SNTG2: variants seen among roughly 807,000 people sequenced by gnomAD.
SNTG2 encodes gamma-2-syntrophin.
SNTG2 carries 74 observed loss-of-function variants against 70.9 expected under a neutral mutation model. The observed-to-expected ratio is 1.04, with a 90% CI of 0.86 to 1.27. SNTG2 has a LOEUF of 1.27. Ranked by LOEUF, SNTG2 falls within the 50% of genes most tolerant of loss-of-function variation. The pLI is 0.00. For missense variants in SNTG2, 717 were observed against 690.7 expected, an observed-to-expected ratio of 1.04 and a Z score of -0.43; for synonymous variants, 278 against 273.8, an observed-to-expected ratio of 1.02 and a Z score of -0.15.
intron 2 of SNTG2, among the ~76,000 whole-genome samples, chr2:1,087,727 A>C (rs553205084): frequency 2.0e-5 from 3 of 152,362 alleles, no homozygotes; most frequent in Non-Finnish European, 4.4e-5. Context: ...GAGCCTTCAA[A>C]AGGCAGGCAA....
At chr2:994,151 C>T (rs1252802551) in intron 1 of SNTG2, among the ~76,000 whole-genome samples, 2 of 151,876 alleles carry the variant, frequency 1.3e-5, no homozygotes, top group Non-Finnish European at 2.9e-5. Flanking sequence ...AGGGTCTATT[C>T]TGAGTATATT....
chr2:1,161,802 C>A (rs559464551), intron 6 of SNTG2: 2 of 152,126 alleles, frequency 1.3e-5, no homozygotes, highest in Non-Finnish European at 2.9e-5. Context: ...TGGCCGGGTG[C>A]GGTGGCTCAC....
chr2:1,278,204 A>C (rs913875366), intron 14 of SNTG2, among the ~76,000 whole-genome samples: 1 of 152,224 alleles, frequency 6.6e-6, no homozygotes, highest in Admixed American at 6.5e-5. Flanking sequence ...TCATTTTGGG[A>C]CAACTCAATC....
chr2:1,017,626 TGGCA>T (rs546163409), intron 1 of SNTG2, among the ~76,000 whole-genome samples: 135 of 152,346 alleles, frequency 8.9e-4, no homozygotes, highest in African/African-American at 3.1e-3. Flanking sequence ...TGTATAAAGC[TGGCA>T]TTGAATATAC....
chr2:1,120,721 T>C (rs1667325109), intron 4 of SNTG2, among the ~76,000 whole-genome samples: 1 of 152,094 alleles, frequency 6.6e-6, no homozygotes, highest in Admixed American at 6.5e-5. Flanking sequence ...CATAAACATA[T>C]ATGCATCCGA....
rs1553340385 is a variant in SNTG2, at chr2:1,155,172, C to CACACACACACA, written c.412-10376_412-10375insACACACACACA. Among the ~76,000 whole-genome samples the CACACACACACA allele has an allele frequency of 8.6e-3, 223 of 26,012 alleles. 1 individual carries two copies. The highest frequency in any genetic ancestry group is 0.014 in the African/African-American group (210 of 15,234). 17.1% of individuals were successfully genotyped at this position (26,012 alleles called of 152,430 possible). A position where few individuals can be genotyped will look rare whatever the true frequency, so the allele number is the denominator to read the frequency against. The stretch of plus-strand genomic sequence containing the variant: ...CTCCATACACACACACACGTAGACC[C>CACACACACACA]CCCCCCCACACACATATATAGACCA... On this transcript the variant is annotated intron_variant, in intron 6 of 16. Transcript: ENST00000308624.
chr2:1,206,902 T>A (rs1259485972), intron 8 of SNTG2, among the ~76,000 whole-genome samples: 1 of 152,200 alleles, frequency 6.6e-6, no homozygotes, highest in Non-Finnish European at 1.5e-5. Flanking sequence ...TGCAGTATAA[T>A]TCTAGTACTT....
intron 6 of SNTG2, among the ~76,000 whole-genome samples, chr2:1,147,481 T>A (rs763301495): frequency 2.6e-5 from 4 of 152,248 alleles, no homozygotes; most frequent in Admixed American, 2.0e-4. Flanking sequence ...GGATGCTTCC[T>A]GCCCTTGAAC....
chr2:1,103,896 C>T (rs961916179), intron 4 of SNTG2, among the ~76,000 whole-genome samples: 2 of 152,116 alleles, frequency 1.3e-5, no homozygotes, highest in Non-Finnish European at 2.9e-5. Flanking sequence ...GCTTTCAGAG[C>T]ATGTACATTA....
intron 1 of SNTG2, among the ~76,000 whole-genome samples, chr2:1,028,517 C>T (rs1275045063): frequency 6.6e-6 from 1 of 152,224 alleles, no homozygotes; most frequent in East Asian, 1.9e-4. Context: ...AGGCTCATTT[C>T]CCTCTAGACG....
chr2:1,351,371 T>C (rs994389834), intron 16 of SNTG2, among the ~76,000 whole-genome samples: 1 of 152,166 alleles, frequency 6.6e-6, no homozygotes, highest in African/African-American at 2.4e-5. Flanking sequence ...ATAACATTTA[T>C]GAAGATATAA....
chr2:1,011,955 T>G (rs1479605114), intron 1 of SNTG2, among the ~76,000 whole-genome samples: 1 of 152,230 alleles, frequency 6.6e-6, no homozygotes, highest in African/African-American at 2.4e-5. Flanking sequence ...TATTTTATAT[T>G]CTCTGAGAAA....
chr2:1,065,474 C>T (rs1018331907), intron 1 of SNTG2, among the ~76,000 whole-genome samples: 7 of 152,102 alleles, frequency 4.6e-5, no homozygotes, highest in African/African-American at 9.7e-5. Flanking sequence ...TGAGGTCAAA[C>T]GAGTAAATTT....
At chr2:1,027,098 A>G (rs1186907013) in intron 1 of SNTG2, among the ~76,000 whole-genome samples, 1 of 151,776 alleles carries the variant, frequency 6.6e-6, no homozygotes, top group African/African-American at 2.4e-5. Context: ...ACTCTTTTCC[A>G]TGTGCTTCTT....
intron 16 of SNTG2, among the ~76,000 whole-genome samples, chr2:1,333,713 T>A (rs74630709): frequency 0.016 from 2,359 of 152,184 alleles, 28 homozygotes; most frequent in Admixed American, 0.034. Context: ...AATATATGGG[T>A]CTGGGATAAT....
At chr2:1,238,129 C>T (rs1676805676) in intron 10 of SNTG2, 112 bp downstream of exon 10, 1 of 1,351,588 alleles carries the variant, frequency 7.4e-7, no homozygotes, top group African/African-American at 1.4e-5. Context: ...AAATCATGTA[C>T]TTGTTTCAAT....
chr2:1,197,088 A>T (rs563081341), intron 8 of SNTG2, among the ~76,000 whole-genome samples: 4 of 152,318 alleles, frequency 2.6e-5, no homozygotes, highest in African/African-American at 9.6e-5. Context: ...AACAATTAAC[A>T]AAATGACAGG....
chr2:1,239,151 A>C (rs904549659), intron 10 of SNTG2, among the ~76,000 whole-genome samples: 1 of 152,144 alleles, frequency 6.6e-6, no homozygotes, highest in African/African-American at 2.4e-5. Flanking sequence ...TGTGACGAGG[A>C]GCGCCCTTCA....
At chr2:1,019,178 G>A (rs1485705553) in intron 1 of SNTG2, among the ~76,000 whole-genome samples, 3 of 152,180 alleles carry the variant, frequency 2.0e-5, no homozygotes, top group African/African-American at 7.2e-5. Context: ...GCATCAAACA[G>A]TCCCCTTTGG....
Sources: allele counts gnomAD v4.1 joint callset (sites outside exome capture counted in the v4.1 genomes callset), GRCh38; gene constraint gnomAD v4.1.1; transcripts MANE v1.5; gene names NCBI Gene and HGNC (gene_info 2026-07-23, HGNC 2026-07-21).